AK5: variants seen among roughly 807,000 people sequenced by gnomAD.
AK5 encodes the protein adenylate kinase isoenzyme 5.
Under a neutral mutation model 69.5 loss-of-function variants are expected in AK5, and 27 were observed. The observed-to-expected ratio is 0.39, with a 90% CI of 0.29 to 0.54. The LOEUF is 0.54. Among genes scored for constraint, AK5 ranks in the 20% least tolerant of loss-of-function variants. AK5 has a pLI of 0.71. For synonymous variants in AK5, 260 were observed against 244.4 expected, an observed-to-expected ratio of 1.06 and a Z score of -0.60; for missense variants, 531 against 700.4, an observed-to-expected ratio of 0.76 and a Z score of 2.73.
intron 6 of AK5, 149 bp downstream of exon 6, chr1:77,340,717 CT>C (rs1661611862): frequency 3.9e-6 from 2 of 514,736 alleles, no homozygotes; most frequent in Non-Finnish European, 3.1e-6. Context: ...TCATTTTGAC[CT>C]GATTTGCCTT....
At chr1:77,440,200 G>T (rs1030137951) in intron 8 of AK5, among the ~76,000 whole-genome samples, 1 of 152,136 alleles carries the variant, frequency 6.6e-6, no homozygotes, top group Non-Finnish European at 1.5e-5. Flanking sequence ...TTGGTTGTCT[G>T]GGAAAGACTT....
rs569673154 is a variant in AK5, at chr1:77,539,220, A to G, written c.1620+3182A>G. Among the ~76,000 whole-genome samples, 42 of 152,332 alleles carry G rather than the reference A, an allele frequency of 2.8e-4. No homozygotes were observed. The East Asian group carries it at 8.1e-3, about 29-fold the overall frequency. On this transcript the variant is annotated intron_variant, in intron 13 of 13. Transcript: ENST00000354567. ...GTTGGTTCGGCCTGTTGGGCCCAGA[A>G]CGGGAGCCTAGTCCAAACCAATGGC...
chr1:77,316,476 G>GT (rs1660250005), intron 5 of AK5, among the ~76,000 whole-genome samples: 1 of 151,946 alleles, frequency 6.6e-6, no homozygotes, highest in African/African-American at 2.4e-5. Context: ...GATAAATATG[G>GT]TTTTTTAAAA....
chr1:77,459,973 T>G (rs1653729712), intron 8 of AK5, among the ~76,000 whole-genome samples: 1 of 152,180 alleles, frequency 6.6e-6, no homozygotes, highest in Non-Finnish European at 1.5e-5. Context: ...ACACTGACAT[T>G]CATTGAAACC....
Position 77,411,060 on chromosome 1 carries a change from A to T in AK5, c.971A>T (p.Glu324Val), listed in dbSNP as rs1260753667. ...GACAACAAGTTATTTCCAAACAAAG[A>T]GGCTGCAGCAGGTAAGTCACTGTGT... ...AVDNKLFPNK[E>V]AAAGSSDLDP... Residue 324 changes from glutamate (E) to valine (V), a missense_variant, in exon 7 of 14, where the codon GAG becomes GTG. By Grantham distance (121) the Glu-to-Val change is moderately radical. Transcript: ENST00000354567. 1 of 1,613,382 alleles carries T rather than the reference A, an allele frequency of 6.2e-7. No individual in the cohort carries two copies. The highest frequency in any genetic ancestry group is 1.1e-5 in the South Asian group (1 of 90,790).
At chr1:77,502,347 G>A (rs1656765312) in intron 10 of AK5, among the ~76,000 whole-genome samples, 1 of 152,122 alleles carries the variant, frequency 6.6e-6, no homozygotes, top group Admixed American at 6.6e-5. Context: ...AAGGAAAGAG[G>A]AAATGGGGCA....
At chr1:77,362,998 T>A (rs1371949570) in intron 6 of AK5, among the ~76,000 whole-genome samples, 1 of 152,172 alleles carries the variant, frequency 6.6e-6, no homozygotes, top group Non-Finnish European at 1.5e-5. Context: ...TACCCTCATG[T>A]TTATAGACAT....
intron 8 of AK5, among the ~76,000 whole-genome samples, chr1:77,419,285 C>T (rs1650644963): frequency 6.6e-6 from 1 of 152,032 alleles, no homozygotes; most frequent in South Asian, 2.1e-4. Context: ...AAGACTCCAG[C>T]AGAGGCTAAT....
intron 12 of AK5, among the ~76,000 whole-genome samples, chr1:77,526,196 C>G (rs974943813): frequency 6.6e-6 from 1 of 152,000 alleles, no homozygotes; most frequent in African/African-American, 2.4e-5. Flanking sequence ...AGAATCAAGG[C>G]CTGTGCAGGG....
Position 77,476,988 on chromosome 1 carries a change from T to C in AK5, c.1060-6329T>C, listed in dbSNP as rs184312998. Among the ~76,000 whole-genome samples, 12 of 144,266 alleles carry C rather than the reference T, an allele frequency of 8.3e-5. No homozygotes were observed. In the East Asian group the frequency reaches 2.0e-3, roughly 24 times the overall value. The allele number at this position is 144,266 out of a possible 152,430, so 94.6% of individuals were successfully genotyped here. On this transcript the variant is annotated intron_variant, in intron 8 of 13. Transcript: ENST00000354567. Reference sequence around the variant, plus strand: ...GATGAGGAAATAGCCTGATCTATTTTTGATTGTTCTTTTTAGTGTGTGTGT... The same window carrying C: ...GATGAGGAAATAGCCTGATCTATTTCTGATTGTTCTTTTTAGTGTGTGTGT...
At chr1:77,382,256 G>A (rs1362688347) in intron 6 of AK5, among the ~76,000 whole-genome samples, 3 of 85,724 alleles carry the variant, frequency 3.5e-5, no homozygotes, top group African/African-American at 1.3e-4. Context: ...GCTTATTTCT[G>A]TTTATAAATT....
rs146540095 is a variant in AK5 at position 77,446,113 on chromosome 1, A to G, written c.1059+28398A>G. On this transcript the variant is annotated intron_variant, in intron 8 of 13. Transcript: ENST00000354567. ...TTTTGAGTTGAGTTTTGTATCTGGT[A>G]TAAAATAAGAGTCCAATTTCACTCT... Among the ~76,000 whole-genome samples the G allele has an allele frequency of 1.7e-3, 258 of 152,316 alleles. 2 individuals carry two copies. Among genetic ancestry groups the G allele is most frequent in the African/African-American group, 5.8e-3 (241 of 41,564 alleles).
chr1:77,513,083 C>G (rs941486464), intron 10 of AK5, among the ~76,000 whole-genome samples: 2 of 152,200 alleles, frequency 1.3e-5, no homozygotes, highest in Admixed American at 6.5e-5. Context: ...TGTTGATTGT[C>G]AGATCACCCA....
chr1:77,406,457 G>A (rs2882289), intron 6 of AK5, among the ~76,000 whole-genome samples: 13,496 of 151,982 alleles, frequency 0.089, 803 homozygotes, highest in African/African-American at 0.16. Context: ...ATACACAGTT[G>A]ACTCTGGAAA....
intron 5 of AK5, among the ~76,000 whole-genome samples, chr1:77,321,120 A>G (rs997930502): frequency 3.3e-5 from 5 of 152,204 alleles, no homozygotes; most frequent in African/African-American, 1.2e-4. Context: ...TGAATAATGC[A>G]CAGTGATTTT....
At chr1:77,404,533 C>G (rs1206841588) in intron 6 of AK5, among the ~76,000 whole-genome samples, 2 of 152,102 alleles carry the variant, frequency 1.3e-5, no homozygotes, top group Non-Finnish European at 2.9e-5. Flanking sequence ...AAAATCTTTG[C>G]CAATTAAGTG....
intron 5 of AK5, among the ~76,000 whole-genome samples, chr1:77,309,586 T>A (rs1659831283): frequency 6.6e-6 from 1 of 152,174 alleles, no homozygotes; most frequent in Non-Finnish European, 1.5e-5. Context: ...TACATTATAT[T>A]TTATTAGTGA....
intron 11 of AK5, among the ~76,000 whole-genome samples, chr1:77,520,749 T>G (rs951171050): frequency 6.6e-6 from 1 of 152,272 alleles, no homozygotes; most frequent in African/African-American, 2.4e-5. Flanking sequence ...TTATCTTCGC[T>G]GACTCTTCAT....
At chr1:77,514,216 G>A (rs1002257522) in intron 10 of AK5, among the ~76,000 whole-genome samples, 4 of 151,980 alleles carry the variant, frequency 2.6e-5, no homozygotes, top group African/African-American at 9.7e-5. Context: ...ATCATATCAC[G>A]TGGTATGGTG....
Sources: gnomAD v4.1 joint callset for allele counts (sites outside exome capture counted in the v4.1 genomes callset) on GRCh38, gnomAD v4.1.1 for gene constraint, MANE v1.5 for transcripts, NCBI Gene and HGNC (gene_info 2026-07-23, HGNC 2026-07-21) for gene names.